MACROD2: variants seen among roughly 807,000 people sequenced by gnomAD.
MACROD2 encodes the protein ADP-ribose glycohydrolase MACROD2.
A neutral mutation model predicts 70.4 loss-of-function variants in MACROD2; 36 were observed. The ratio of observed to expected loss-of-function variants is 0.51; its 90% confidence interval spans 0.39 to 0.68. MACROD2 has a LOEUF of 0.68. MACROD2 is among the 30% of genes least tolerant of loss of function. MACROD2 has a pLI of 0.00. For missense variants in MACROD2, 496 were observed against 538.4 expected (o/e 0.92, Z 0.78); for synonymous variants, 172 against 178.8 (o/e 0.96, Z 0.30).
At chr20:15,327,558 A>G (rs1012350286) in intron 6 of MACROD2, among the ~76,000 whole-genome samples, 1 of 152,120 alleles carries the variant, frequency 6.6e-6, no homozygotes, top group Non-Finnish European at 1.5e-5. Context: ...AGCCCCTTAT[A>G]AAACCCTCAG....
chr20:15,699,139 G>A (rs2050418480), intron 8 of MACROD2, among the ~76,000 whole-genome samples: 3 of 152,230 alleles, frequency 2.0e-5, no homozygotes, highest in Admixed American at 2.0e-4. Context: ...GATTTACTGG[G>A]GGGCGTTGAA....
At chr20:14,631,152 C>T (rs1196774469) in intron 4 of MACROD2, among the ~76,000 whole-genome samples, 3 of 152,020 alleles carry the variant, frequency 2.0e-5, no homozygotes, top group Non-Finnish European at 4.4e-5. Context: ...CAGACAAAAC[C>T]AGAATGGAAT....
intron 5 of MACROD2, among the ~76,000 whole-genome samples, chr20:15,065,567 T>A (rs891254426): frequency 3.4e-5 from 5 of 147,700 alleles, no homozygotes; most frequent in Non-Finnish European, 7.4e-5. Flanking sequence ...GGCAGGAGAA[T>A]GGCGTGAACC....
intron 8 of MACROD2, among the ~76,000 whole-genome samples, chr20:15,710,237 A>G (rs957235295): frequency 1.1e-4 from 16 of 152,224 alleles, no homozygotes; most frequent in Middle Eastern, 3.4e-3. Context: ...GGATGCAAAA[A>G]AAGTGAACCC....
At chr20:15,683,871 C>T (rs1051181168) in intron 8 of MACROD2, among the ~76,000 whole-genome samples, 9 of 152,044 alleles carry the variant, frequency 5.9e-5, no homozygotes, top group Non-Finnish European at 1.0e-4. Context: ...TGAGCCATCG[C>T]GCCTGGCTGC....
intron 3 of MACROD2, among the ~76,000 whole-genome samples, chr20:14,196,250 A>C (rs1284611155): frequency 1.3e-5 from 2 of 152,110 alleles, no homozygotes; most frequent in African/African-American, 4.8e-5. Context: ...TTTGACTCTC[A>C]TACCTTCTAA....
intron 5 of MACROD2, among the ~76,000 whole-genome samples, chr20:15,213,917 G>A (rs1190804311): frequency 2.7e-5 from 4 of 148,556 alleles, no homozygotes; most frequent in African/African-American, 9.9e-5. Context: ...TTTATTTTTT[G>A]TTTTTTTGTG....
chr20:15,211,975 A>G (rs1291715249), intron 5 of MACROD2, among the ~76,000 whole-genome samples: 1 of 152,124 alleles, frequency 6.6e-6, no homozygotes, highest in Non-Finnish European at 1.5e-5. Context: ...CATTCCTATC[A>G]CTGATGTATG....
At chr20:14,663,828 A>G (rs1404819536) in intron 4 of MACROD2, among the ~76,000 whole-genome samples, 1 of 152,108 alleles carries the variant, frequency 6.6e-6, no homozygotes, top group Non-Finnish European at 1.5e-5. Flanking sequence ...CTATTTGTAC[A>G]AACTCTTGGT....
chr20:15,358,131 A>G (rs527906186), intron 6 of MACROD2, among the ~76,000 whole-genome samples: 154 of 152,226 alleles, frequency 1.0e-3, no homozygotes, highest in Admixed American at 2.6e-3. Flanking sequence ...TCTTGTGTTC[A>G]TTCAGCTAAT....
At chr20:15,681,544 C>T (rs767624774) in intron 8 of MACROD2, among the ~76,000 whole-genome samples, 4 of 152,170 alleles carry the variant, frequency 2.6e-5, no homozygotes, top group African/African-American at 4.8e-5. Context: ...TCATTTGCAT[C>T]ATCTGCATTA....
At chr20:15,819,344 T>G (rs1008044222) in intron 8 of MACROD2, among the ~76,000 whole-genome samples, 1 of 141,874 alleles carries the variant, frequency 7.0e-6, no homozygotes, top group Non-Finnish European at 1.5e-5. Flanking sequence ...TATAAGTATA[T>G]AATTATATAA....
rs79094017 is a variant in MACROD2 at position 14,900,786 on chromosome 20, C to A, written c.418+215827C>A. Among the ~76,000 whole-genome samples, 54 of 151,106 alleles carry A rather than the reference C, an allele frequency of 3.6e-4. No individual in the cohort carries two copies. The East Asian group carries it at 8.7e-3, about 24-fold the overall frequency. ...TTCATTGGTTTTCTCTTTTGTTATT[C>A]TATTCTCTATTTCATTTGTTTCTGC... On this transcript the variant is annotated intron_variant, in intron 5 of 17. Coordinates refer to ENST00000684519, the MANE Select transcript of MACROD2 (RefSeq NM_001351661.2).
chr20:14,055,974 C>T (rs1442995700), intron 2 of MACROD2, among the ~76,000 whole-genome samples: 1 of 151,904 alleles, frequency 6.6e-6, no homozygotes, highest in African/African-American at 2.4e-5. Flanking sequence ...TAATAAGAAC[C>T]CCAGACTGTG....
At chr20:14,481,978 A>C (rs1358876954) in intron 3 of MACROD2, among the ~76,000 whole-genome samples, 1 of 152,202 alleles carries the variant, frequency 6.6e-6, no homozygotes, top group African/African-American at 2.4e-5. Flanking sequence ...CTACCTTGAT[A>C]AGCTTACTAA....
intron 4 of MACROD2, among the ~76,000 whole-genome samples, chr20:14,629,816 T>C (rs1290056214): frequency 1.3e-5 from 2 of 152,144 alleles, no homozygotes; most frequent in East Asian, 3.8e-4. Context: ...TGGTCTCTTT[T>C]TATTTCCTGG....
chr20:15,362,670 A>T (rs997122080), intron 6 of MACROD2, among the ~76,000 whole-genome samples: 2 of 152,102 alleles, frequency 1.3e-5, no homozygotes, highest in Admixed American at 1.3e-4. Context: ...TTACATAATA[A>T]CCATTTAATG....
At chr20:15,917,325 T>C (rs1017202817) in intron 10 of MACROD2, among the ~76,000 whole-genome samples, 6 of 152,228 alleles carry the variant, frequency 3.9e-5, no homozygotes, top group Non-Finnish European at 5.9e-5. Flanking sequence ...GTCACTAAAA[T>C]GACTAATGTG....
At chr20:15,931,954 C>T (rs1400933888) in intron 10 of MACROD2, among the ~76,000 whole-genome samples, 1 of 152,136 alleles carries the variant, frequency 6.6e-6, no homozygotes, top group East Asian at 1.9e-4. Context: ...GGAGGATTCT[C>T]TTGCCTCGGA....
Sources: gnomAD v4.1 joint callset for allele counts (sites outside exome capture counted in the v4.1 genomes callset) on GRCh38, gnomAD v4.1.1 for gene constraint, MANE v1.5 for transcripts, NCBI Gene and HGNC (gene_info 2026-07-23, HGNC 2026-07-21) for gene names.